Variants in FGGY observed in about 807,000 individuals in gnomAD.
FGGY encodes the protein FGGY carbohydrate kinase domain-containing protein.
A neutral mutation model predicts 71.3 loss-of-function variants in FGGY; 72 were observed. The ratio of observed to expected loss-of-function variants is 1.01; its 90% CI spans 0.84 to 1.23. The LOEUF (loss-of-function observed/expected upper bound fraction) is 1.23. Among genes scored for constraint, FGGY ranks in the 50% most tolerant of loss-of-function variants. The probability of loss-of-function intolerance (pLI) is 0.00; values close to 1 mark genes in which losing one functional copy is unlikely to be tolerated. For missense variants in FGGY, 668 were observed against 682.3 expected (o/e 0.98, Z 0.23); for synonymous variants, 251 against 250.3 (o/e 1.00, Z -0.02).
chr1:59,575,173 C>T (rs2096057897), intron 8 of FGGY, among the ~76,000 whole-genome samples: 1 of 152,084 alleles, frequency 6.6e-6, no homozygotes, highest in African/African-American at 2.4e-5. Flanking sequence ...TTTTTATTAA[C>T]TATAGTCACC....
At chr1:59,586,612 C>A (rs1042609851) in intron 8 of FGGY, among the ~76,000 whole-genome samples, 1 of 152,056 alleles carries the variant, frequency 6.6e-6, no homozygotes, top group Admixed American at 6.5e-5. Context: ...ACATATGTAA[C>A]AAACCTGCAC....
chr1:59,547,487 T>C (rs1571093712), intron 7 of FGGY, among the ~76,000 whole-genome samples: 1 of 152,058 alleles, frequency 6.6e-6, no homozygotes, highest in Non-Finnish European at 1.5e-5. Context: ...GGGTGTGATA[T>C]AGTCCCACCC....
intron 10 of FGGY, among the ~76,000 whole-genome samples, chr1:59,629,828 C>T (rs1014110388): frequency 2.4e-4 from 37 of 152,068 alleles, no homozygotes; most frequent in Admixed American, 2.0e-4. Context: ...AGAATCAACC[C>T]GAAACACCTC....
chr1:59,720,776 A>G (rs2097884751), intron 14 of FGGY, among the ~76,000 whole-genome samples: 1 of 152,228 alleles, frequency 6.6e-6, no homozygotes, highest in African/African-American at 2.4e-5. Flanking sequence ...TGGAATACCT[A>G]GAATAAACTT....
chr1:59,641,558 TAATC>T (rs1311149679), intron 11 of FGGY, among the ~76,000 whole-genome samples: 1 of 152,236 alleles, frequency 6.6e-6, no homozygotes, highest in African/African-American at 2.4e-5. Context: ...ATCTCTGTAA[TAATC>T]AGTGCAAGCT....
intron 1 of FGGY, among the ~76,000 whole-genome samples, chr1:59,311,188 G>C (rs1363651914): frequency 6.6e-6 from 1 of 151,992 alleles, no homozygotes; most frequent in African/African-American, 2.4e-5. Flanking sequence ...GGAAAGCCAA[G>C]TCATTTCAGG....
At chr1:59,691,284 C>A (rs149460792) in intron 14 of FGGY, among the ~76,000 whole-genome samples, 3 of 152,284 alleles carry the variant, frequency 2.0e-5, no homozygotes, top group African/African-American at 4.8e-5. Flanking sequence ...AATAGCCTAG[C>A]CTACCTTGAG....
At chr1:59,603,847 C>T (rs905621583) in intron 8 of FGGY, among the ~76,000 whole-genome samples, 3 of 152,148 alleles carry the variant, frequency 2.0e-5, no homozygotes, top group Non-Finnish European at 2.9e-5. Context: ...CTCTTCAAAA[C>T]AGATGAAAGA....
intron 14 of FGGY, among the ~76,000 whole-genome samples, chr1:59,683,486 C>A (rs191045707): frequency 1.3e-5 from 2 of 152,282 alleles, no homozygotes; most frequent in South Asian, 2.1e-4. Context: ...CCAGCTCCCC[C>A]CAAATCAGAT....
intron 7 of FGGY, among the ~76,000 whole-genome samples, chr1:59,532,413 A>G (rs565348378): frequency 3.3e-5 from 5 of 152,196 alleles, no homozygotes; most frequent in Non-Finnish European, 4.4e-5. Context: ...TCCAAGAATG[A>G]GAGAAGAGAG....
At chr1:59,375,699 A>G (rs11584204) in intron 4 of FGGY, among the ~76,000 whole-genome samples, 37,397 of 151,884 alleles carry the variant, frequency 0.25, 4,913 homozygotes, top group East Asian at 0.42. Context: ...GGTCTCAAAA[A>G]GAAAGAACGC....
chr1:59,652,122 G>T (rs545227628), intron 11 of FGGY, among the ~76,000 whole-genome samples: 1 of 152,294 alleles, frequency 6.6e-6, no homozygotes, highest in African/African-American at 2.4e-5. Flanking sequence ...CGAGAGATCA[G>T]CCGTTAGTCT....
chr1:59,654,656 T>C (rs2097201846), intron 11 of FGGY, among the ~76,000 whole-genome samples: 1 of 152,196 alleles, frequency 6.6e-6, no homozygotes, highest in Non-Finnish European at 1.5e-5. Context: ...CCTATGAACC[T>C]ATAATTTATA....
chr1:59,736,813 A>G (rs2098109321), intron 14 of FGGY, among the ~76,000 whole-genome samples: 1 of 152,278 alleles, frequency 6.6e-6, no homozygotes, highest in African/African-American at 2.4e-5. Flanking sequence ...AGCTGCAGAA[A>G]TGTGTATAAG....
chr1:59,610,888 C>A (rs967230261), intron 9 of FGGY, among the ~76,000 whole-genome samples: 1 of 152,242 alleles, frequency 6.6e-6, no homozygotes, highest in Non-Finnish European at 1.5e-5. Context: ...CTCAGAGGGT[C>A]CCACGCCCAC....
intron 14 of FGGY, among the ~76,000 whole-genome samples, chr1:59,708,007 G>A (rs771006087): frequency 1.3e-5 from 2 of 152,118 alleles, no homozygotes; most frequent in Non-Finnish European, 2.9e-5. Context: ...TAAAAGAAGG[G>A]GACATTTGGT....
At chr1:59,641,371 G>A (rs912421872) in intron 11 of FGGY, 3 of 1,585,272 alleles carry the variant, frequency 1.9e-6, no homozygotes, top group Non-Finnish European at 2.6e-6. Context: ...TTCTTGCATT[G>A]TTAAACATTT....
chr1:59,488,466 C>A (rs2093721617), intron 6 of FGGY, among the ~76,000 whole-genome samples: 1 of 148,832 alleles, frequency 6.7e-6, no homozygotes. Context: ...TGTATATTTT[C>A]TGTCTTTTTG....
At chr1:59,730,069 G>C (rs1458579810) in intron 14 of FGGY, among the ~76,000 whole-genome samples, 1 of 152,100 alleles carries the variant, frequency 6.6e-6, no homozygotes, top group East Asian at 1.9e-4. Context: ...CTTCCACTAA[G>C]ACTGTTACCC....
Sources: allele counts gnomAD v4.1 joint callset (sites outside exome capture counted in the v4.1 genomes callset), GRCh38; gene constraint gnomAD v4.1.1; transcripts MANE v1.5; gene names NCBI Gene and HGNC (gene_info 2026-07-23, HGNC 2026-07-21).